Variants in COL11A2 observed in about 807,000 individuals in gnomAD.
COL11A2 encodes the protein collagen alpha-2(XI) chain.
In COL11A2, 116 loss-of-function variants were observed where a neutral mutation model predicts 273.4. That is an observed-to-expected ratio of 0.42 (90% confidence interval 0.36 to 0.49). The LOEUF is 0.49. COL11A2 is among the 20% of genes least tolerant of loss of function. COL11A2 has a pLI of 0.00. For synonymous variants in COL11A2, 782 were observed against 864.2 expected (o/e 0.90, Z 1.67); for missense variants, 1,866 against 2,309.0 (o/e 0.81, Z 3.93).
rs761732193 is a variant in COL11A2, at chr6:33,171,259, A to G, written c.3312+12T>C. ...GGCCAGGAGGTCAGAAGTCAAGGTCATGGACACTTACATGTTCACCCTTGT... is the reference window on the plus strand; with the variant it reads ...GGCCAGGAGGTCAGAAGTCAAGGTCGTGGACACTTACATGTTCACCCTTGT... On this transcript the variant is annotated intron_variant, in intron 44 of 65. Coordinates refer to ENST00000341947, the MANE Select transcript of COL11A2 (RefSeq NM_080680.3). 1.2e-6 allele frequency: 2 copies of G among 1,614,172 alleles called. No individual in the cohort carries two copies. The highest frequency in any genetic ancestry group is 2.2e-5 in the South Asian group (2 of 91,086).
chr6:33,172,826 C>G (rs1371983454), intron 38 of COL11A2, among the ~76,000 whole-genome samples, 189 bp from the exon 39 acceptor site: 2 of 152,136 alleles, frequency 1.3e-5, no homozygotes, highest in African/African-American at 4.8e-5. Flanking sequence ...AGTAACTACA[C>G]CACCTTGTGT....
In COL11A2 at chr6:33,192,211, G is replaced by T; in HGVS notation, c.30C>A (p.Leu10=). 6.4e-7 allele frequency: 1 copy of T among 1,566,282 alleles called. No individual in the cohort carries two copies. The highest frequency in any genetic ancestry group is 8.7e-7 in the Non-Finnish European group (1 of 1,155,494). Residue 10 remains leucine, a synonymous_variant, in exon 1 of 66, where the codon CTC becomes CTA. Transcript: ENST00000341947. MERCSRCHR[L]LLLLPLVLGL... ...CCAGCACCAGAGGTAGGAGGAGGAG[G>T]AGGCGATGGCAGCGGCTGCACCGCT...
In COL11A2 at chr6:33,169,551, T is replaced by C; in HGVS notation, c.3691-61A>G. On this transcript the variant is annotated intron_variant, in intron 50 of 65. Coordinates refer to ENST00000341947, the MANE Select transcript of COL11A2 (RefSeq NM_080680.3). The surrounding 1 kb of genome is among the most constrained non-coding windows in gnomAD (Gnocchi z 5.5). ...AATCTTGAAGATCAGGGATGCAGCCTCTGCTTCCGAGACACCTTCAGCCAT... is the reference window on the plus strand; with the variant it reads ...AATCTTGAAGATCAGGGATGCAGCCCCTGCTTCCGAGACACCTTCAGCCAT... 1 of 1,509,126 alleles carries C rather than the reference T, an allele frequency of 6.6e-7. No homozygotes were observed. The highest frequency in any genetic ancestry group is 2.3e-5 in the East Asian group (1 of 44,066). 93.5% of individuals were successfully genotyped at this position (1,509,126 alleles called of 1,614,324 possible). A position where few individuals can be genotyped will look rare whatever the true frequency, so the allele number is the denominator to read the frequency against.
chr6:33,165,789 G>C lies in COL11A2; in HGVS notation c.4510C>G (p.Leu1504Val). The change falls in exon 63 of 66, where the codon CTG (leucine) becomes GTG (valine). Residue 1504 changes from leucine (L) to valine (V), a missense_variant. By Grantham distance (32) the Leu-to-Val change is conservative (BLOSUM62 1). Transcript: ENST00000341947. This position sits in a 1 kb window ranked among gnomAD's most constrained non-coding sequence, Gnocchi z 7.7. ...GTCTTCTTGGGCATCTGAATGGGCA[G>C]TGGCTGGATCACCTCGCCTGGGGGA... ...PGPPGEVIQPLPIQMPKKTRR... is the reference protein window; with the variant it reads ...PGPPGEVIQPVPIQMPKKTRR... 2 of 1,613,508 alleles carry C rather than the reference G, an allele frequency of 1.2e-6. No individual in the cohort carries two copies. The highest frequency in any genetic ancestry group is 1.1e-5 in the South Asian group (1 of 91,084).
chr6:33,181,206 C>T (rs770718069), intron 8 of COL11A2, 36 bp from the exon 9 acceptor site: 2 of 1,609,864 alleles, frequency 1.2e-6, no homozygotes, highest in East Asian at 2.2e-5. Context: ...CAGTGGGGCC[C>T]GTGAGCAGCC....
rs1770336491 is a variant in COL11A2 at position 33,173,009 on chromosome 6, A to C, written c.2790+51T>G. ...CGTGTGACCGAGAGAAGAGGGGCAG[A>C]CAGACTAATGCTAGGGTCAGGGGTC... is the stretch of plus-strand genomic sequence containing the variant. On this transcript the variant is annotated intron_variant, in intron 38 of 65. Coordinates refer to ENST00000341947, the MANE Select transcript of COL11A2 (RefSeq NM_080680.3). The surrounding 1 kb of genome is among the most constrained non-coding windows in gnomAD (Gnocchi z 6.3). The C allele has an allele frequency of 6.3e-7, 1 of 1,583,300 alleles. No individual in the cohort carries two copies. The highest frequency in any genetic ancestry group is 1.3e-5 in the African/African-American group (1 of 74,272).
In COL11A2 at chr6:33,164,436, A is replaced by G. The variant is rs1489748072; in HGVS notation, c.4901T>C (p.Val1634Ala). ...CAGCCGCAGGAAGGTGAGCTGGACCACACCCACTGGGGAGCCCTCTGAGTC... is the reference window on the plus strand; with the variant it reads ...CAGCCGCAGGAAGGTGAGCTGGACCGCACCCACTGGGGAGCCCTCTGAGTC... ...YVDSEGSPVG[V>A]VQLTFLRLLS... The change falls in exon 65 of 66, where the codon GTG becomes GCG. Residue 1634 changes from valine (V) to alanine (A), a missense_variant. Val to Ala is a moderately conservative substitution (Grantham distance 64, BLOSUM62 0). Coordinates refer to ENST00000341947, the MANE Select transcript of COL11A2 (RefSeq NM_080680.3). This position sits in a 1 kb window ranked among gnomAD's most constrained non-coding sequence, Gnocchi z 4.7. 6.3e-7 allele frequency: 1 copy of G among 1,585,484 alleles called. No homozygotes were observed. Among genetic ancestry groups the G allele is most frequent in the Non-Finnish European group, 8.6e-7 (1 of 1,165,574 alleles).
Position 33,186,831 on chromosome 6 carries a change from G to A in COL11A2, c.607-13C>T. ...CCTGGACATCACCCTGCAAAGACATGAGAGAGATGGAGCGGAGAGATTCAG... is the reference window on the plus strand; with the variant it reads ...CCTGGACATCACCCTGCAAAGACATAAGAGAGATGGAGCGGAGAGATTCAG... On this transcript the variant is annotated splice_polypyrimidine_tract_variant and intron_variant, in intron 4 of 65. Coordinates refer to ENST00000341947, the MANE Select transcript of COL11A2 (RefSeq NM_080680.3). The A allele has an allele frequency of 1.2e-6, 2 of 1,613,802 alleles. No individual in the cohort carries two copies. The highest frequency in any genetic ancestry group is 2.2e-5 in the South Asian group (2 of 91,084).
In COL11A2 at chr6:33,171,099, G is replaced by A. The variant is rs781270799; in HGVS notation, c.3366+15C>T. 1.2e-5 allele frequency: 19 copies of A among 1,574,520 alleles called. No homozygotes were observed. Among genetic ancestry groups the A allele is most frequent in the Non-Finnish European group, 1.4e-5 (16 of 1,159,300 alleles). ...AGGCTGCTGGGCCTTCGGTGGGGGT[G>A]GAGGGGTCACTCACCGCTGCTCCAG... On this transcript the variant is annotated intron_variant, in intron 45 of 65. Coordinates refer to ENST00000341947, the MANE Select transcript of COL11A2 (RefSeq NM_080680.3).
chr6:33,189,303 C>T lies in COL11A2; in HGVS notation c.232+17G>A. Reference sequence around the variant, plus strand: ...CCATTACCTCCCCCCAGGCCTACCCCACCATGTCACCCATACCTGGGAAAA... The same window carrying T: ...CCATTACCTCCCCCCAGGCCTACCCTACCATGTCACCCATACCTGGGAAAA... On this transcript the variant is annotated intron_variant, in intron 2 of 65. Coordinates refer to ENST00000341947, the MANE Select transcript of COL11A2 (RefSeq NM_080680.3). The surrounding 1 kb of genome is among the most constrained non-coding windows in gnomAD (Gnocchi z 5.6). 1 of 1,613,990 alleles carries T rather than the reference C, an allele frequency of 6.2e-7. No individual in the cohort carries two copies.
Position 33,166,472 on chromosome 6 carries a change from G to C in COL11A2, c.4392+41C>G. 1 of 1,601,842 alleles carries C rather than the reference G, an allele frequency of 6.2e-7. No homozygotes were observed. Among genetic ancestry groups the C allele is most frequent in the Middle Eastern group, 1.7e-4 (1 of 6,004 alleles). On this transcript the variant is annotated intron_variant, in intron 60 of 65. Transcript: ENST00000341947. This position sits in a 1 kb window ranked among gnomAD's most constrained non-coding sequence, Gnocchi z 4.8. ...GGGAGGCTGTGGGTGGGCAGCAGAG[G>C]GGTTTAGGGGATTTTGTGGAGGAAC...
intron 3 of COL11A2, 61 bp downstream of exon 3, chr6:33,188,917 T>C (rs1772743979): frequency 6.3e-7 from 1 of 1,575,402 alleles, no homozygotes; most frequent in South Asian, 1.1e-5. Flanking sequence ...AGTGTAGGGG[T>C]TTGGGGGCAC....
In COL11A2 at chr6:33,177,159, T is replaced by C. The variant is rs1372515509; in HGVS notation, c.2016+22A>G. The C allele has an allele frequency of 8.1e-6, 13 of 1,612,842 alleles. No homozygotes were observed. Among genetic ancestry groups the C allele is most frequent in the African/African-American group, 1.3e-5 (1 of 74,878 alleles). On this transcript the variant is annotated intron_variant, in intron 24 of 65. Coordinates refer to ENST00000341947, the MANE Select transcript of COL11A2 (RefSeq NM_080680.3). This position sits in a 1 kb window ranked among gnomAD's most constrained non-coding sequence, Gnocchi z 5.9. ...CATCCCCACTCTAAACCCCCTGTCC[T>C]CCAAATCACTTAGTCACTTACCTTC...
rs767380282 is a variant in COL11A2 at position 33,169,037 on chromosome 6, G to C, written c.3799-29C>G. 2 of 1,593,936 alleles carry C rather than the reference G, an allele frequency of 1.3e-6. No homozygotes were observed. The highest frequency in any genetic ancestry group is 1.7e-6 in the Non-Finnish European group (2 of 1,169,894). On this transcript the variant is annotated intron_variant, in intron 51 of 65. Transcript: ENST00000341947. The surrounding 1 kb of genome is among the most constrained non-coding windows in gnomAD (Gnocchi z 5.5). ...ATCCAGATGGAGAATAAGAGTCAGGGTCACAGCTCCCTAAGCCCACCCAGC... is the reference window on the plus strand; with the variant it reads ...ATCCAGATGGAGAATAAGAGTCAGGCTCACAGCTCCCTAAGCCCACCCAGC...
At chr6:33,183,496 T>C (rs1771979518) in intron 8 of COL11A2, among the ~76,000 whole-genome samples, 1 of 152,048 alleles carries the variant, frequency 6.6e-6, no homozygotes, top group Non-Finnish European at 1.5e-5. Flanking sequence ...ATGAGAAATA[T>C]CGAGGCCCAC....
chr6:33,166,914 C>G lies in COL11A2; in HGVS notation c.4231-87G>C. ...GGCCAAGAGGACATGGAGAGGGAGC[C>G]GGGCACAGGGTCCGTGAGTGGCCCT... is the stretch of plus-strand genomic sequence containing the variant. On this transcript the variant is annotated intron_variant, in intron 58 of 65. Transcript: ENST00000341947. This position sits in a 1 kb window ranked among gnomAD's most constrained non-coding sequence, Gnocchi z 4.8. 1 of 1,528,546 alleles carries G rather than the reference C, an allele frequency of 6.5e-7. No individual in the cohort carries two copies. The highest frequency in any genetic ancestry group is 8.9e-7 in the Non-Finnish European group (1 of 1,118,106). The allele number at this position is 1,528,546 out of a possible 1,614,324, so 94.7% of individuals were successfully genotyped here. A position where few individuals can be genotyped will look rare whatever the true frequency, so the allele number is the denominator to read the frequency against.
rs1769728499 is a variant in COL11A2, at chr6:33,169,512, C to T, written c.3691-22G>A. On this transcript the variant is annotated intron_variant, in intron 50 of 65. Transcript: ENST00000341947. This position sits in a 1 kb window ranked among gnomAD's most constrained non-coding sequence, Gnocchi z 5.5. ...GACCCTGCAGAACAAGCGGAGGACA[C>T]AGATGGCCCAGGGAATCTTGAAGAT... 6.2e-7 allele frequency: 1 copy of T among 1,606,728 alleles called. No homozygotes were observed. Among genetic ancestry groups the T allele is most frequent in the Non-Finnish European group, 8.5e-7 (1 of 1,174,844 alleles).
intron 52 of COL11A2, 34 bp from the exon 53 acceptor site, chr6:33,168,793 C>T (rs1404328872): frequency 6.3e-7 from 1 of 1,598,358 alleles, no homozygotes; most frequent in Non-Finnish European, 8.5e-7. Context: ...AGGTGGGCCC[C>T]CAACCTGGCT....
In COL11A2 at chr6:33,176,273, G is replaced by A; in HGVS notation, c.2200C>T (p.His734Tyr). 6.2e-7 allele frequency: 1 copy of A among 1,607,566 alleles called. No individual in the cohort carries two copies. The highest frequency in any genetic ancestry group is 8.5e-7 in the Non-Finnish European group (1 of 1,177,302). ...GVDGIRGLKG[H>Y]KGEKGEDGFP... is the part of the protein sequence containing the mutation. Reference sequence around the variant, plus strand: ...ATGGTGCTCACCTTCTCACCCTTATGACCCTTCAGACCCCGAATTCCGTCC... The same window carrying A: ...ATGGTGCTCACCTTCTCACCCTTATAACCCTTCAGACCCCGAATTCCGTCC... Residue 734 changes from histidine (H) to tyrosine (Y), a missense_variant, in exon 28 of 66, where the codon CAT becomes TAT. By Grantham distance (83) the His-to-Tyr change is moderately conservative. Transcript: ENST00000341947. The surrounding 1 kb of genome is among the most constrained non-coding windows in gnomAD (Gnocchi z 4.9).
Sources: allele counts gnomAD v4.1 joint callset (sites outside exome capture counted in the v4.1 genomes callset), GRCh38; gene constraint gnomAD v4.1.1; non-coding constraint Gnocchi (gnomAD v3.1); transcripts MANE v1.5; gene names NCBI Gene and HGNC (gene_info 2026-07-23, HGNC 2026-07-21).